Variants in DNAI4 observed in about 807,000 individuals in gnomAD.
The protein encoded by DNAI4 is dynein axonemal intermediate chain 4.
In DNAI4, 85 loss-of-function variants were observed where a neutral mutation model predicts 105.8. The ratio of observed to expected loss-of-function variants is 0.80; its 90% CI spans 0.67 to 0.96. The LOEUF is 0.96. Ranked by LOEUF, DNAI4 falls within the 40% of genes least tolerant of loss-of-function variation. The pLI is 0.00. For synonymous variants in DNAI4, 352 were observed against 331.5 expected, an observed-to-expected ratio of 1.06 and a Z score of -0.67; for missense variants, 1,014 against 1,005.6, an observed-to-expected ratio of 1.01 and a Z score of -0.11.
chr1:66,874,879 C>A lies in DNAI4; in HGVS notation c.702G>T (p.Lys234Asn), dbSNP rs1646928685. 6.2e-7 allele frequency: 1 copy of A among 1,613,374 alleles called. No homozygotes were observed. The highest frequency in any genetic ancestry group is 1.7e-5 in the Admixed American group (1 of 59,924). ...TCTCTGTGAGTATTATCTCTATATT[C>A]TTCTCCAGGTCTTCTTTTGTTACAA... ...EKIVTKEDLEKNIEIILTETE... is the reference protein window; with the variant it reads ...EKIVTKEDLENNIEIILTETE... The change falls in exon 5 of 17, where the codon AAG (lysine) becomes AAT (asparagine). Residue 234 changes from lysine to asparagine, a missense_variant. By Grantham distance (94) the Lys-to-Asn change is moderately conservative. Coordinates refer to ENST00000371026, the MANE Select transcript of DNAI4 (RefSeq NM_024763.5).
intron 13 of DNAI4, among the ~76,000 whole-genome samples, chr1:66,832,283 G>C (rs1645882315): frequency 6.6e-6 from 1 of 152,224 alleles, no homozygotes; most frequent in African/African-American, 2.4e-5. Flanking sequence ...TGGGCTGGAA[G>C]GGATGGGACA....
chr1:66,876,843 C>T (rs1420753225), intron 4 of DNAI4, among the ~76,000 whole-genome samples: 1 of 152,112 alleles, frequency 6.6e-6, no homozygotes, highest in African/African-American at 2.4e-5. Flanking sequence ...AGGTTCTTCC[C>T]AGAGGAGGGA....
chr1:66,921,775 C>T (rs1470076961), intron 1 of DNAI4, among the ~76,000 whole-genome samples: 2 of 152,160 alleles, frequency 1.3e-5, no homozygotes, highest in African/African-American at 4.8e-5. Flanking sequence ...ATTTATTCAG[C>T]ACCTTCTTCA....
intron 4 of DNAI4, among the ~76,000 whole-genome samples, chr1:66,883,016 T>C (rs1569748795): frequency 6.6e-6 from 1 of 152,052 alleles, no homozygotes; most frequent in Non-Finnish European, 1.5e-5. Context: ...GTTAGATTTA[T>C]ACTTTTCTGA....
chr1:66,816,408 G>T (rs1645515962), intron 16 of DNAI4, among the ~76,000 whole-genome samples: 1 of 151,822 alleles, frequency 6.6e-6, no homozygotes, highest in Non-Finnish European at 1.5e-5. Context: ...AAAAATTATA[G>T]GTCATAATGT....
intron 7 of DNAI4, among the ~76,000 whole-genome samples, chr1:66,851,985 A>T (rs1230778185): frequency 1.3e-5 from 2 of 152,012 alleles, no homozygotes; most frequent in African/African-American, 4.8e-5. Flanking sequence ...CCTTGACAAG[A>T]TTAACAAAAT....
Position 66,835,550 on chromosome 1 carries a change from C to CA in DNAI4, c.1733+75dup. ...CTCAGTAACAACAAAAATATTTACT[C>CA]AAAACTAAATAACATTAGAGTAAAT... On this transcript the variant is annotated intron_variant, in intron 11 of 16. Transcript: ENST00000371026. 2 of 1,460,484 alleles carry CA rather than the reference C, an allele frequency of 1.4e-6. 1 individual carries two copies. The highest frequency in any genetic ancestry group is 2.5e-5 in the South Asian group (2 of 78,746). The allele number at this position is 1,460,484 out of a possible 1,614,324, so 90.5% of individuals were successfully genotyped here.
chr1:66,890,576 GT>G lies in DNAI4; in HGVS notation c.643+577del, dbSNP rs1286347380. 1.2e-5 allele frequency: 2 copies of G among 165,746 alleles called. No homozygotes were observed. Among genetic ancestry groups the G allele is most frequent in the African/African-American group, 4.8e-5 (2 of 41,368 alleles). The allele number at this position is 165,746 out of a possible 1,614,324, so 10.3% of individuals were successfully genotyped here. On this transcript the variant is annotated intron_variant, in intron 4 of 16. Transcript: ENST00000371026. This position sits in a 1 kb window ranked among gnomAD's most constrained non-coding sequence, Gnocchi z 4.1. Reference sequence around the variant, plus strand: ...ATTGTGCCACTGCACGCCAGCCTGTGTGACAGAGCAAGACTCTGTCTCAAAA... The same window carrying G: ...ATTGTGCCACTGCACGCCAGCCTGTGGACAGAGCAAGACTCTGTCTCAAAA...
intron 14 of DNAI4, among the ~76,000 whole-genome samples, chr1:66,827,416 TA>T (rs1230587100): frequency 6.6e-6 from 1 of 151,952 alleles, no homozygotes; most frequent in Non-Finnish European, 1.5e-5. Context: ...CTTTAGAGGC[TA>T]AAGTGGGAAG....
chr1:66,886,784 C>T (rs996546395), intron 4 of DNAI4, among the ~76,000 whole-genome samples: 6 of 152,072 alleles, frequency 3.9e-5, no homozygotes, highest in Non-Finnish European at 7.4e-5. Context: ...TTATCCCTGC[C>T]CCTACTCCCT....
At chr1:66,836,202 AAGAAAGAGAGAGAG>A (rs1645994830) in intron 10 of DNAI4, among the ~76,000 whole-genome samples, 13 of 50,856 alleles carry the variant, frequency 2.6e-4, no homozygotes, top group African/African-American at 8.2e-4. Context: ...GAAAGAAAGA[AAGAAAGAGAGAGAG>A]AGAGAGAGAG....
At chr1:66,840,752 C>CA in intron 8 of DNAI4, 81 bp from the exon 9 acceptor site, 2 of 1,370,956 alleles carry the variant, frequency 1.5e-6, no homozygotes, top group Non-Finnish European at 2.0e-6. Flanking sequence ...CATATCTACC[C>CA]ACCACTGACA....
At chr1:66,900,293 G>T (rs1176010296) in intron 2 of DNAI4, among the ~76,000 whole-genome samples, 1 of 152,012 alleles carries the variant, frequency 6.6e-6, no homozygotes, top group Non-Finnish European at 1.5e-5. Context: ...TAGAGATGGG[G>T]TTTTACCATG....
At chr1:66,815,649 C>G (rs1418142377) in intron 16 of DNAI4, among the ~76,000 whole-genome samples, 3 of 152,112 alleles carry the variant, frequency 2.0e-5, no homozygotes, top group Non-Finnish European at 2.9e-5. Flanking sequence ...AAAGGAGTTG[C>G]TTCTGTAACT....
chr1:66,826,724 T>C, intron 15 of DNAI4, 96 bp downstream of exon 15: 1 of 1,051,756 alleles, frequency 9.5e-7, no homozygotes, highest in South Asian at 1.6e-5. Context: ...TCTTTTAAAG[T>C]AACTACAATA....
At chr1:66,910,946 C>T (rs1649612656) in intron 1 of DNAI4, among the ~76,000 whole-genome samples, 1 of 152,218 alleles carries the variant, frequency 6.6e-6, no homozygotes, top group Admixed American at 6.5e-5. Context: ...TCTCCCCACA[C>T]ACCAACTAAA....
intron 16 of DNAI4, among the ~76,000 whole-genome samples, chr1:66,822,038 A>AACAATCTTTTAATACATGACGTG (rs1645638278): frequency 6.6e-6 from 1 of 152,168 alleles, no homozygotes; most frequent in Non-Finnish European, 1.5e-5. Flanking sequence ...TACATGATGT[A>AACAATCTTTTAATACATGACGTG]AACTTCTTTG....
intron 14 of DNAI4, 132 bp from the exon 15 acceptor site, chr1:66,827,178 T>C (rs1386214800): frequency 1.4e-6 from 1 of 722,654 alleles, no homozygotes; most frequent in Admixed American, 3.2e-5. Flanking sequence ...TTATTTTAGT[T>C]GAGAATAAGA....
At chr1:66,862,822 T>G (rs1329099258) in intron 6 of DNAI4, among the ~76,000 whole-genome samples, 1 of 152,202 alleles carries the variant, frequency 6.6e-6, no homozygotes, top group African/African-American at 2.4e-5. Flanking sequence ...CTCATTGGTC[T>G]GTCATTGTAG....
Sources: gnomAD v4.1 joint callset for allele counts (sites outside exome capture counted in the v4.1 genomes callset) on GRCh38, gnomAD v4.1.1 for gene constraint, Gnocchi (gnomAD v3.1) non-coding constraint, MANE v1.5 for transcripts, NCBI Gene and HGNC (gene_info 2026-07-23, HGNC 2026-07-21) for gene names.